PDE4B: variants seen among roughly 807,000 people sequenced by gnomAD.
The protein encoded by PDE4B is 3',5'-cyclic-AMP phosphodiesterase 4B.
Under a neutral mutation model 82.2 loss-of-function variants are expected in PDE4B, and 20 were observed. The observed-to-expected ratio is 0.24, with a 90% CI of 0.17 to 0.35. PDE4B has a LOEUF of 0.35. Among genes scored for constraint, PDE4B ranks in the 10% least tolerant of loss-of-function variants. PDE4B has a pLI of 1.00. For synonymous variants in PDE4B, 320 were observed against 318.9 expected (o/e 1.00, Z -0.04); for missense variants, 655 against 907.2 (o/e 0.72, Z 3.57).
intron 1 of PDE4B, among the ~76,000 whole-genome samples, chr1:65,868,431 A>T (rs1286198645): frequency 6.6e-6 from 1 of 152,214 alleles, no homozygotes; most frequent in African/African-American, 2.4e-5. Context: ...AGAATGTGAA[A>T]ATTAGCCAGA....
intron 1 of PDE4B, among the ~76,000 whole-genome samples, chr1:65,818,529 A>G (rs1645911410): frequency 1.3e-5 from 2 of 152,010 alleles, no homozygotes; most frequent in South Asian, 4.2e-4. Context: ...CAGAACTGTA[A>G]TTCTTCATTT....
chr1:66,224,803 G>A (rs1336924491), intron 3 of PDE4B, among the ~76,000 whole-genome samples: 1 of 152,150 alleles, frequency 6.6e-6, no homozygotes, highest in Non-Finnish European at 1.5e-5. Flanking sequence ...AGCTGTCAAT[G>A]TTACTCTGCA....
chr1:66,011,958 C>T (rs1652510249), intron 3 of PDE4B, among the ~76,000 whole-genome samples: 1 of 152,078 alleles, frequency 6.6e-6, no homozygotes, highest in African/African-American at 2.4e-5. Context: ...GTTAAAACCT[C>T]TTCTTTCTAC....
intron 3 of PDE4B, among the ~76,000 whole-genome samples, chr1:66,198,820 C>A (rs964754820): frequency 6.8e-6 from 1 of 146,254 alleles, no homozygotes; most frequent in Non-Finnish European, 1.5e-5. Context: ...TCCATGTGTT[C>A]TCGTTGTTCA....
At chr1:65,804,350 T>C (rs1645729797) in intron 1 of PDE4B, among the ~76,000 whole-genome samples, 1 of 152,218 alleles carries the variant, frequency 6.6e-6, no homozygotes, top group Non-Finnish European at 1.5e-5. Context: ...AGACAGTAGC[T>C]AAGAAGGAAC....
intron 3 of PDE4B, among the ~76,000 whole-genome samples, chr1:66,022,954 G>A (rs1019772527): frequency 6.6e-6 from 1 of 152,008 alleles, no homozygotes; most frequent in South Asian, 2.1e-4. Flanking sequence ...TTTTTTCTTG[G>A]TAGGCTATTA....
intron 3 of PDE4B, among the ~76,000 whole-genome samples, chr1:66,105,222 T>C (rs185778364): frequency 0.028 from 4,065 of 144,064 alleles, 255 homozygotes; most frequent in African/African-American, 0.098. Context: ...CTTGTTTTTG[T>C]CATGTTTGTC....
chr1:66,173,337 A>G (rs1570397227), intron 3 of PDE4B, among the ~76,000 whole-genome samples: 2 of 152,212 alleles, frequency 1.3e-5, no homozygotes, highest in Non-Finnish European at 2.9e-5. Flanking sequence ...GACCATAAAG[A>G]TATTAAAGCA....
intron 3 of PDE4B, among the ~76,000 whole-genome samples, chr1:66,031,586 A>G (rs555270896): frequency 2.0e-5 from 3 of 152,294 alleles, no homozygotes; most frequent in African/African-American, 4.8e-5. Context: ...ACTTGTTTTC[A>G]TTTTTAATTA....
chr1:66,164,659 C>G (rs1420152689), intron 3 of PDE4B, among the ~76,000 whole-genome samples: 1 of 148,776 alleles, frequency 6.7e-6, no homozygotes, highest in East Asian at 2.0e-4. Flanking sequence ...AGTCTAAGAA[C>G]TTAAATTCGA....
intron 13 of PDE4B, 145 bp downstream of exon 13, chr1:66,365,911 G>A (rs544447680): frequency 1.6e-5 from 8 of 505,032 alleles, no homozygotes; most frequent in Admixed American, 6.5e-5. Context: ...CAGGCCTTTC[G>A]TGGATACTCA....
rs141458403 is a variant in PDE4B, at chr1:66,016,098, C to G, written c.281+97263C>G. ...TGACCTTGGGAAAGTTATTAAACCT[C>G]TCTGTGTCTGAGTATCTCCATCTCT... On this transcript the variant is annotated intron_variant, in intron 3 of 16. Coordinates refer to ENST00000341517, the MANE Select transcript of PDE4B (RefSeq NM_002600.4). 7.9e-5 allele frequency among the ~76,000 whole-genome samples: 12 copies of G among 152,242 alleles called. No individual in the cohort carries two copies. The East Asian group carries it at 2.3e-3, about 29-fold the overall frequency.
At chr1:65,795,755 C>G (rs1003527785) in intron 1 of PDE4B, among the ~76,000 whole-genome samples, 7 of 152,234 alleles carry the variant, frequency 4.6e-5, no homozygotes, top group African/African-American at 1.4e-4. Flanking sequence ...TGCAGCTCTA[C>G]TTCTCTCTTT....
chr1:66,101,164 A>G (rs370976794), intron 3 of PDE4B, among the ~76,000 whole-genome samples: 3 of 151,904 alleles, frequency 2.0e-5, no homozygotes, highest in East Asian at 1.9e-4. Flanking sequence ...CATAAACTCA[A>G]CCTTTTTTAT....
At chr1:65,808,552 G>A (rs1192141022) in intron 1 of PDE4B, among the ~76,000 whole-genome samples, 2 of 152,222 alleles carry the variant, frequency 1.3e-5, no homozygotes, top group Non-Finnish European at 2.9e-5. Flanking sequence ...ACATAGGTGA[G>A]GAATGGGAGG....
At chr1:65,845,524 C>T (rs1197834162) in intron 1 of PDE4B, among the ~76,000 whole-genome samples, 1 of 152,136 alleles carries the variant, frequency 6.6e-6, no homozygotes, top group Non-Finnish European at 1.5e-5. Context: ...TATGGTCTGG[C>T]TCTGAGATAC....
intron 1 of PDE4B, among the ~76,000 whole-genome samples, chr1:65,818,685 C>CATATATATACATAT (rs1553187333): frequency 7.0e-6 from 1 of 143,764 alleles, no homozygotes; most frequent in East Asian, 2.1e-4. Flanking sequence ...CACACACACA[C>CATATATATACATAT]ATATATATAT....
At chr1:66,104,010 C>T (rs1321014830) in intron 3 of PDE4B, among the ~76,000 whole-genome samples, 1 of 151,976 alleles carries the variant, frequency 6.6e-6, no homozygotes, top group Non-Finnish European at 1.5e-5. Flanking sequence ...CATATGTATA[C>T]ATGAGCCATG....
At chr1:66,142,826 G>GA (rs1444518800) in intron 3 of PDE4B, among the ~76,000 whole-genome samples, 2 of 152,122 alleles carry the variant, frequency 1.3e-5, no homozygotes, top group African/African-American at 4.8e-5. Flanking sequence ...CTTCAGTTCA[G>GA]AAAAAAAGTT....
Sources: allele counts gnomAD v4.1 joint callset (sites outside exome capture counted in the v4.1 genomes callset), GRCh38; gene constraint gnomAD v4.1.1; transcripts MANE v1.5; gene names NCBI Gene and HGNC (gene_info 2026-07-23, HGNC 2026-07-21).